The following TRIM2 variants were observed in gnomAD, a reference collection of about 807,000 sequenced individuals.
The protein encoded by TRIM2 is tripartite motif containing 2.
A neutral mutation model predicts 75.2 loss-of-function variants in TRIM2; 20 were observed. The observed-to-expected ratio is 0.27, with a 90% CI of 0.19 to 0.39. The LOEUF (loss-of-function observed/expected upper bound fraction) is 0.39, where lower values mean the gene tolerates loss of function less well. Ranked by LOEUF, TRIM2 falls within the 10% of genes least tolerant of loss-of-function variation. TRIM2 has a pLI of 1.00. For missense variants in TRIM2, 660 were observed against 990.8 expected (o/e 0.67, Z 4.48); for synonymous variants, 373 against 388.3 (o/e 0.96, Z 0.46).
intron 1 of TRIM2, among the ~76,000 whole-genome samples, chr4:153,194,803 T>C (rs979909731): frequency 6.6e-6 from 1 of 152,232 alleles, no homozygotes; most frequent in Non-Finnish European, 1.5e-5. Flanking sequence ...GGTTTTCTTC[T>C]TAAGTTGGAG....
chr4:153,313,210 G>C (rs1486099111), intron 6 of TRIM2, among the ~76,000 whole-genome samples: 1 of 152,084 alleles, frequency 6.6e-6, no homozygotes, highest in Admixed American at 6.5e-5. Context: ...CCATATTCAT[G>C]CATATTATGG....
chr4:153,199,582 GTTA>G (rs909832784), upstream of TRIM2, among the ~76,000 whole-genome samples: 1 of 151,380 alleles, frequency 6.6e-6, no homozygotes. Context: ...ATCTTAGTCA[GTTA>G]TTATTATTAT....
Position 153,337,745 on chromosome 4 carries a change from T to G in TRIM2, c.*2779T>G. On this transcript the variant is annotated 3_prime_UTR_variant, in exon 12 of 12. Coordinates refer to ENST00000338700, the MANE Select transcript of TRIM2 (RefSeq NM_015271.5). ...TTTTTTCTGGGCTACCATTATTGTT[T>G]GATTTCTCTTTGTCAAGTGTATAGA... 1 of 985,866 alleles carries G rather than the reference T, an allele frequency of 1.0e-6. No individual in the cohort carries two copies. 61.1% of individuals were successfully genotyped at this position (985,866 alleles called of 1,614,324 possible). A position where few individuals can be genotyped will look rare whatever the true frequency, so the allele number is the denominator to read the frequency against.
intron 1 of TRIM2, among the ~76,000 whole-genome samples, chr4:153,260,888 T>C (rs533471812): frequency 6.6e-6 from 1 of 152,250 alleles, no homozygotes; most frequent in Admixed American, 6.5e-5. Context: ...TTTCTTCTAA[T>C]TGAGACCTCA....
At chr4:153,278,161 A>C (rs530272825) in intron 3 of TRIM2, among the ~76,000 whole-genome samples, 2 of 152,304 alleles carry the variant, frequency 1.3e-5, no homozygotes, top group East Asian at 3.9e-4. Flanking sequence ...GCTGGAGTGC[A>C]GTGGCACGAT....
chr4:153,322,910 A>G, intron 9 of TRIM2, 94 bp downstream of exon 9: 12 of 1,485,772 alleles, frequency 8.1e-6, no homozygotes, highest in Non-Finnish European at 1.1e-5. Flanking sequence ...CCGCATCCCT[A>G]GTGTGTTTGC....
intron 3 of TRIM2, among the ~76,000 whole-genome samples, chr4:153,283,677 G>C (rs976481110): frequency 2.0e-5 from 2 of 102,406 alleles, no homozygotes; most frequent in African/African-American, 8.0e-5. Flanking sequence ...TTGCTCTTTT[G>C]CCAGGCTGGA....
At chr4:153,277,663 C>T (rs1758333649) in intron 3 of TRIM2, among the ~76,000 whole-genome samples, 1 of 152,172 alleles carries the variant, frequency 6.6e-6, no homozygotes, top group Admixed American at 6.5e-5. Context: ...GTTTAAGTCA[C>T]AAAGCTTGCT....
chr4:153,170,468 G>A lies in TRIM2; in HGVS notation c.-49+17198G>A, dbSNP rs148242217. ...TAAAAGGGGTGGTATTGGGGGTGGC[G>A]GCAGGGAGCAGATTAGTTGCAAAGC... On this transcript the variant is annotated intron_variant, in intron 1 of 11. Transcript: ENST00000437508. 3.2e-3 allele frequency among the ~76,000 whole-genome samples: 489 copies of A among 152,204 alleles called. 3 individuals carry two copies. Among genetic ancestry groups the A allele is most frequent in the African/African-American group, 9.4e-3 (392 of 41,506 alleles).
chr4:153,324,657 A>ATATC (rs1769762161), intron 10 of TRIM2, among the ~76,000 whole-genome samples: 1 of 152,222 alleles, frequency 6.6e-6, no homozygotes, highest in African/African-American at 2.4e-5. Flanking sequence ...GACCTATAGT[A>ATATC]TATCTTTCTT....
chr4:153,208,164 GGT>G (rs1222744062), intron 1 of TRIM2, among the ~76,000 whole-genome samples: 8 of 152,182 alleles, frequency 5.3e-5, no homozygotes, highest in Admixed American at 3.9e-4. Context: ...TGGGCATGGT[GGT>G]ACACACCTGT....
chr4:153,295,306 C>T lies in TRIM2; in HGVS notation c.787-7C>T. 1 of 1,577,388 alleles carries T rather than the reference C, an allele frequency of 6.3e-7. No homozygotes were observed. The highest frequency in any genetic ancestry group is 8.6e-7 in the Non-Finnish European group (1 of 1,161,858). Reference sequence around the variant, plus strand: ...ACGAGCTCACCAGGCCTCCGGTTTTCCCGCAGGTCCTCCAGTCGCAGCTGG... The same window carrying T: ...ACGAGCTCACCAGGCCTCCGGTTTTTCCGCAGGTCCTCCAGTCGCAGCTGG... On this transcript the variant is annotated splice_region_variant and splice_polypyrimidine_tract_variant and intron_variant, in intron 5 of 11. Transcript: ENST00000338700. This position sits in a 1 kb window ranked among gnomAD's most constrained non-coding sequence, Gnocchi z 7.2.
chr4:153,291,770 C>T (rs918382913), intron 3 of TRIM2, among the ~76,000 whole-genome samples: 1 of 151,948 alleles, frequency 6.6e-6, no homozygotes, highest in East Asian at 1.9e-4. Context: ...ATCATCATCC[C>T]CACAGCAGCT....
chr4:153,283,861 CTTTTTTTTTTTTTTT>C (rs71598257), intron 3 of TRIM2, among the ~76,000 whole-genome samples: 6 of 53,260 alleles, frequency 1.1e-4, no homozygotes, highest in African/African-American at 1.7e-4. Context: ...TGGCCTTGAT[CTTTTTTTTTTTTTTT>C]TTTTTTTTTT....
intron 1 of TRIM2, among the ~76,000 whole-genome samples, chr4:153,236,545 T>A (rs1030216249): frequency 2.0e-5 from 3 of 152,208 alleles, no homozygotes; most frequent in Non-Finnish European, 2.9e-5. Flanking sequence ...CTGCTTTGCA[T>A]CCCACAGCAA....
intron 6 of TRIM2, among the ~76,000 whole-genome samples, chr4:153,300,865 C>CT (rs1027050945): frequency 4.4e-4 from 65 of 146,222 alleles, no homozygotes; most frequent in Admixed American, 1.2e-3. Flanking sequence ...GGTTCTTTGC[C>CT]TTTTTTTTTT....
intron 1 of TRIM2, among the ~76,000 whole-genome samples, chr4:153,258,014 A>G (rs1190540303): frequency 2.0e-5 from 3 of 152,116 alleles, no homozygotes; most frequent in African/African-American, 4.8e-5. Flanking sequence ...ACCAGTCTTT[A>G]TTTTAGTGTG....
At chr4:153,230,146 C>T (rs960527275) in intron 1 of TRIM2, among the ~76,000 whole-genome samples, 8 of 152,126 alleles carry the variant, frequency 5.3e-5, no homozygotes, top group Admixed American at 2.6e-4. Flanking sequence ...ATGACTGCTA[C>T]GGTACTTACA....
intron 1 of TRIM2, among the ~76,000 whole-genome samples, chr4:153,268,473 C>T (rs923822753): frequency 2.0e-5 from 3 of 152,150 alleles, no homozygotes; most frequent in African/African-American, 7.2e-5. Context: ...AAGATGGAGT[C>T]GGTTAGGTCT....
Sources: allele counts gnomAD v4.1 joint callset (sites outside exome capture counted in the v4.1 genomes callset), GRCh38; gene constraint gnomAD v4.1.1; non-coding constraint Gnocchi (gnomAD v3.1); transcripts MANE v1.5; gene names NCBI Gene and HGNC (gene_info 2026-07-23, HGNC 2026-07-21).